POLE: variants seen among roughly 807,000 people sequenced by gnomAD.
POLE encodes DNA polymerase epsilon, catalytic subunit.
In POLE, 188 loss-of-function variants were observed where a neutral mutation model predicts 279.2. The observed-to-expected ratio is 0.67, with a 90% CI of 0.60 to 0.76. The LOEUF is 0.76. POLE is among the 30% of genes least tolerant of loss of function. POLE has a pLI of 0.00. For missense variants in POLE, 2,703 were observed against 3,016.7 expected, an observed-to-expected ratio of 0.90 and a Z score of 2.44; for synonymous variants, 1,214 against 1,172.5, an observed-to-expected ratio of 1.04 and a Z score of -0.72.
At chr12:132,674,407 T>C (rs2042997455) in intron 12 of POLE, among the ~76,000 whole-genome samples, 1 of 151,838 alleles carries the variant, frequency 6.6e-6, no homozygotes, top group Non-Finnish European at 1.5e-5. Flanking sequence ...AGTCCCAATC[T>C]ACAGTGCGAG....
intron 36 of POLE, 40 bp from the exon 37 acceptor site, chr12:132,642,769 C>CG (rs1056677094): frequency 3.7e-6 from 6 of 1,613,260 alleles, no homozygotes; most frequent in Non-Finnish European, 5.1e-6. Context: ...CTGGGTGGAC[C>CG]CAGCCTCAAA....
intron 45 of POLE, among the ~76,000 whole-genome samples, chr12:132,628,758 A>G (rs889488507): frequency 5.9e-5 from 9 of 152,264 alleles, no homozygotes; most frequent in Admixed American, 2.6e-4. Flanking sequence ...GATTGCAGCA[A>G]CTTGGTCACA....
intron 8 of POLE, among the ~76,000 whole-genome samples, 186 bp downstream of exon 8, chr12:132,677,177 C>T (rs558062468): frequency 6.6e-6 from 1 of 151,980 alleles, no homozygotes; most frequent in Non-Finnish European, 1.5e-5. Flanking sequence ...CAGTGATATA[C>T]AACAAAAAAG....
intron 10 of POLE, 83 bp downstream of exon 10, chr12:132,676,011 A>G (rs535724308): frequency 9.8e-7 from 1 of 1,016,426 alleles, no homozygotes; most frequent in African/African-American, 1.6e-5. Context: ...TTCTGATCTG[A>G]CGGAATGCCT....
intron 23 of POLE, among the ~76,000 whole-genome samples, chr12:132,663,745 T>G (rs1213115883): frequency 1.3e-5 from 2 of 152,264 alleles, no homozygotes; most frequent in African/African-American, 4.8e-5. Flanking sequence ...TTCTCTGTAC[T>G]ATTTTTGTAA....
intron 16 of POLE, among the ~76,000 whole-genome samples, chr12:132,670,232 C>A (rs2042893524): frequency 6.6e-6 from 1 of 151,320 alleles, no homozygotes; most frequent in Non-Finnish European, 1.5e-5. Context: ...AAAAATTACC[C>A]AGGCGTGGTG....
chr12:132,681,057 C>T (rs2136032649), intron 2 of POLE, 81 bp downstream of exon 2: 1 of 1,515,664 alleles, frequency 6.6e-7, no homozygotes, highest in South Asian at 1.2e-5. Flanking sequence ...TCATGTGTCC[C>T]CCACTCTTTA....
chr12:132,626,005 G>T, intron 46 of POLE, 112 bp downstream of exon 46: 1 of 1,179,462 alleles, frequency 8.5e-7, no homozygotes, highest in Non-Finnish European at 1.2e-6. Context: ...ATGTGAGTCA[G>T]AGGGGCAGCA....
At chr12:132,658,806 G>A (rs1452477588) in intron 26 of POLE, 1 of 133,594 alleles carries the variant, frequency 7.5e-6, no homozygotes, top group Non-Finnish European at 1.5e-5. Flanking sequence ...TCACACAGAA[G>A]TAAAGACAAC....
At chr12:132,683,833 G>A (rs530155470) in intron 1 of POLE, among the ~76,000 whole-genome samples, 4 of 152,370 alleles carry the variant, frequency 2.6e-5, no homozygotes, top group African/African-American at 7.2e-5. Context: ...TCTGAGCTGT[G>A]TATCTCACTT....
intron 25 of POLE, 98 bp downstream of exon 25, chr12:132,660,871 G>T (rs981454294): frequency 6.2e-5 from 58 of 939,476 alleles, no homozygotes; most frequent in Admixed American, 1.2e-4. Flanking sequence ...TGTGTTCTTC[G>T]GTCACCTTGG....
intron 23 of POLE, among the ~76,000 whole-genome samples, chr12:132,662,885 G>C (rs983852101): frequency 6.6e-6 from 1 of 152,174 alleles, no homozygotes; most frequent in Non-Finnish European, 1.5e-5. Flanking sequence ...AATCCACACT[G>C]ATGTCAATAA....
In POLE at chr12:132,668,245, G is replaced by A; in HGVS notation, c.2173+111C>T. 1 of 1,310,788 alleles carries A rather than the reference G, an allele frequency of 7.6e-7. No homozygotes were observed. Among genetic ancestry groups the A allele is most frequent in the Non-Finnish European group, 1.0e-6 (1 of 972,588 alleles). 81.2% of individuals were successfully genotyped at this position (1,310,788 alleles called of 1,614,324 possible). On this transcript the variant is annotated intron_variant, in intron 19 of 48. Transcript: ENST00000320574. This position sits in a 1 kb window ranked among gnomAD's most constrained non-coding sequence, Gnocchi z 4.0. Reference sequence around the variant, plus strand: ...GACCTAGAGCAGCTTCTGGTCTGCTGTGACAACACCTCTGGGGCCCCAGCT... The same window carrying A: ...GACCTAGAGCAGCTTCTGGTCTGCTATGACAACACCTCTGGGGCCCCAGCT...
chr12:132,661,761 G>C lies in POLE; in HGVS notation c.2707-77C>G. On this transcript the variant is annotated intron_variant, in intron 23 of 48. Coordinates refer to ENST00000320574, the MANE Select transcript of POLE (RefSeq NM_006231.4). This position sits in a 1 kb window ranked among gnomAD's most constrained non-coding sequence, Gnocchi z 4.1. ...TGGAAACCACCTGGTGTCCCTCCAG[G>C]AGTGGATGGATTGACAAACCGAGGC... The C allele has an allele frequency of 1.4e-6, 2 of 1,428,802 alleles. No homozygotes were observed. The highest frequency in any genetic ancestry group is 1.9e-6 in the Non-Finnish European group (2 of 1,043,876). The allele number at this position is 1,428,802 out of a possible 1,614,324, so 88.5% of individuals were successfully genotyped here.
In POLE at chr12:132,661,376, GCAGA is replaced by G; in HGVS notation, c.2864+147_2864+150del. 1.0e-6 allele frequency: 1 copy of G among 993,614 alleles called. No homozygotes were observed. The highest frequency in any genetic ancestry group is 1.5e-6 in the Non-Finnish European group (1 of 669,520). 61.5% of individuals were successfully genotyped at this position (993,614 alleles called of 1,614,324 possible). On this transcript the variant is annotated intron_variant, in intron 24 of 48. Coordinates refer to ENST00000320574, the MANE Select transcript of POLE (RefSeq NM_006231.4). The surrounding 1 kb of genome is among the most constrained non-coding windows in gnomAD (Gnocchi z 4.1). ...CACAGAGCCAGAATACAGCAGGCGG[GCAGA>G]CAGAGCTGGTGCAAACGGAATCAGT... is the stretch of plus-strand genomic sequence containing the variant.
At position 132,649,904 on chromosome 12, in the gene POLE, T is replaced by C. The variant is rs1565946977; in HGVS notation, c.3583-15A>G. ...GCCATCGTGACCTGGAAAGACCCAG[T>C]GAAGCCTTAAATCTCAGGATCTCGG... On this transcript the variant is annotated splice_polypyrimidine_tract_variant and intron_variant, in intron 29 of 48. Transcript: ENST00000320574. The C allele has an allele frequency of 6.2e-7, 1 of 1,611,408 alleles. No individual in the cohort carries two copies. The highest frequency in any genetic ancestry group is 1.7e-5 in the Admixed American group (1 of 59,972).
At chr12:132,673,465 C>T in intron 13 of POLE, 110 bp downstream of exon 13, 1 of 1,497,962 alleles carries the variant, frequency 6.7e-7, no homozygotes, top group Non-Finnish European at 9.1e-7. Flanking sequence ...TACATGCGTG[C>T]ACACGGCAGC....
In POLE at chr12:132,635,887, C is replaced by G; in HGVS notation, c.5811+5G>C. ...GGCTCGGGTGCCACACTGCAGCTCG[C>G]TTACCAGTCCACAGTGAATACGAGA... On this transcript the variant is annotated splice_donor_5th_base_variant and intron_variant, in intron 42 of 48. Transcript: ENST00000320574. 1 of 1,608,588 alleles carries G rather than the reference C, an allele frequency of 6.2e-7. No individual in the cohort carries two copies. Among genetic ancestry groups the G allele is most frequent in the Non-Finnish European group, 8.5e-7 (1 of 1,176,596 alleles).
At chr12:132,650,715 TG>T (rs1291858159) in intron 29 of POLE, 2 of 152,200 alleles carry the variant, frequency 1.3e-5, no homozygotes, top group Non-Finnish European at 2.9e-5. Context: ...GAATGCTTTT[TG>T]TAAGAAAGAA....
Sources: gnomAD v4.1 joint callset for allele counts (sites outside exome capture counted in the v4.1 genomes callset) on GRCh38, gnomAD v4.1.1 for gene constraint, Gnocchi (gnomAD v3.1) non-coding constraint, MANE v1.5 for transcripts, NCBI Gene and HGNC (gene_info 2026-07-23, HGNC 2026-07-21) for gene names.